PDILT: variants seen among roughly 807,000 people sequenced by gnomAD.
PDILT encodes protein disulfide isomerase like, testis expressed.
Under a neutral mutation model 53.7 loss-of-function variants are expected in PDILT, and 43 were observed. That is an observed-to-expected ratio of 0.80 (90% CI 0.63 to 1.03). The LOEUF (loss-of-function observed/expected upper bound fraction) is 1.03. Ranked by LOEUF, PDILT falls within the 50% of genes least tolerant of loss-of-function variation. The pLI is 0.00. For missense variants in PDILT, 727 were observed against 712.3 expected (o/e 1.02, Z -0.24); for synonymous variants, 282 against 274.2 (o/e 1.03, Z -0.28).
intron 10 of PDILT, among the ~76,000 whole-genome samples, chr16:20,361,525 A>G (rs1172777408): frequency 2.0e-5 from 3 of 152,140 alleles, no homozygotes; most frequent in Non-Finnish European, 4.4e-5. Flanking sequence ...CTTAATGCCC[A>G]CAGGTCACCT....
Position 20,369,673 on chromosome 16 carries a change from A to C in PDILT, c.935T>G (p.Val312Gly). Residue 312 changes from valine to glycine, a missense_variant, in exon 8 of 12, where the codon GTG (valine) becomes GGG (glycine). Val to Gly is a moderately radical substitution (Grantham distance 109). Coordinates refer to ENST00000302451, the MANE Select transcript of PDILT (RefSeq NM_174924.2). ...EFQNKILFIL[V>G]DADEPRNGRV... ...TCCATTTCTGGGTTCGTCTGCATCC[A>C]CAAGGATGAAAAGGATCTGCCAAAG... The C allele has an allele frequency of 6.2e-7, 1 of 1,614,202 alleles. No individual in the cohort carries two copies.
chr16:20,369,714 T>C, intron 7 of PDILT, 25 bp from the exon 8 acceptor site: 2 of 1,611,500 alleles, frequency 1.2e-6, no homozygotes, highest in Non-Finnish European at 1.7e-6. Flanking sequence ...AAAACCCTTG[T>C]CTCTCTGGAT....
Position 20,384,801 on chromosome 16 carries a change from C to T in PDILT, c.253G>A (p.Ala85Thr), listed in dbSNP as rs1966511342. The change falls in exon 3 of 12, where the codon GCT becomes ACT. Residue 85 changes from alanine (A) to threonine (T), a missense_variant. Physicochemically the swap from Ala to Thr is moderately conservative, Grantham distance 58. Transcript: ENST00000302451. ...TTGCCTTTGCCCATGATCTCCACAG[C>T]TTTGCCCAGCTCTTCCGCCAAGTTC... is the stretch of plus-strand genomic sequence containing the variant. ...SRNLAEELGK[A>T]VEIMGKGKNG... The T allele has an allele frequency of 9.9e-6, 16 of 1,614,100 alleles. No homozygotes were observed. The highest frequency in any genetic ancestry group is 1.3e-5 in the Non-Finnish European group (15 of 1,180,056).
chr16:20,388,700 G>A (rs987734769), intron 2 of PDILT: 2 of 152,196 alleles, frequency 1.3e-5, no homozygotes, highest in Non-Finnish European at 2.9e-5. Context: ...ACCACCTGAG[G>A]TCAGGAGTTT....
intron 1 of PDILT, among the ~76,000 whole-genome samples, chr16:20,404,035 T>A (rs1349962936): frequency 2.0e-5 from 3 of 152,258 alleles, no homozygotes; most frequent in African/African-American, 4.8e-5. Flanking sequence ...TATTATTATT[T>A]ATGAGTGTAC....
chr16:20,392,612 T>C (rs1434509276), intron 2 of PDILT, among the ~76,000 whole-genome samples: 1 of 152,222 alleles, frequency 6.6e-6, no homozygotes, highest in Non-Finnish European at 1.5e-5. Context: ...AGAACTCATT[T>C]TGAATTTAAT....
chr16:20,370,083 A>G (rs946645069), intron 7 of PDILT, among the ~76,000 whole-genome samples: 6 of 152,242 alleles, frequency 3.9e-5, no homozygotes, highest in African/African-American at 7.2e-5. Flanking sequence ...AATACATGAC[A>G]ATTCTTATTA....
chr16:20,374,936 CT>C lies in PDILT; in HGVS notation c.566del (p.Glu189GlyfsTer6). The C allele has an allele frequency of 6.2e-7, 1 of 1,611,616 alleles. No individual in the cohort carries two copies. Among genetic ancestry groups the C allele is most frequent in the South Asian group, 1.1e-5 (1 of 90,546 alleles). On this transcript the variant is annotated frameshift_variant, in exon 5 of 12. Coordinates refer to ENST00000302451, the MANE Select transcript of PDILT (RefSeq NM_174924.2). LOFTEE classifies it high-confidence loss of function. ...AGTCTTTGATCACATCATAGAACAA[CT>C]CTGCTACTTCTTCCTCTAAATCCTA... ...FFQDLEEEVA[E>X]LFYDVIKDFP...
chr16:20,383,103 T>C (rs1268391405), intron 3 of PDILT, among the ~76,000 whole-genome samples: 1 of 152,144 alleles, frequency 6.6e-6, no homozygotes, highest in East Asian at 1.9e-4. Context: ...CAGGCACTGG[T>C]TTCCCTGATG....
intron 2 of PDILT, among the ~76,000 whole-genome samples, chr16:20,395,104 T>C (rs1966646480): frequency 6.6e-6 from 1 of 152,202 alleles, no homozygotes; most frequent in Non-Finnish European, 1.5e-5. Context: ...CCATGATATG[T>C]AAAGAACTAA....
Position 20,376,173 on chromosome 16 carries a change from A to C in PDILT, c.438T>G (p.Val146=). 1.2e-6 allele frequency: 2 copies of C among 1,614,208 alleles called. No individual in the cohort carries two copies. Among genetic ancestry groups the C allele is most frequent in the Non-Finnish European group, 1.7e-6 (2 of 1,180,036 alleles). ...KGVVESAALV[V]WLRRQISQKA... Reference sequence around the variant, plus strand: ...TCTGGCTAATTTGTCGTCTCAACCAAACGACTAAGGCAGCAGATTCAACCA... The same window carrying C: ...TCTGGCTAATTTGTCGTCTCAACCACACGACTAAGGCAGCAGATTCAACCA... The change falls in exon 4 of 12, where the codon GTT becomes GTG. Residue 146 remains valine (V), a synonymous_variant. Transcript: ENST00000302451.
rs1318332120 is a variant in PDILT, at chr16:20,362,456, A to G, written c.1364T>C (p.Met455Thr). The G allele has an allele frequency of 1.1e-5, 17 of 1,614,246 alleles. No homozygotes were observed. Among genetic ancestry groups the G allele is most frequent in the Non-Finnish European group, 1.4e-5 (17 of 1,180,040 alleles). Residue 455 changes from methionine (M) to threonine (T), a missense_variant, in exon 10 of 12, where the codon ATG becomes ACG. Met to Thr is a moderately conservative substitution (Grantham distance 81). Transcript: ENST00000302451. Reference protein sequence around the residue: ...IDVTANDIQLMYLDRYPFFRL... With the variant: ...IDVTANDIQLTYLDRYPFFRL... ...GAAGAATGGGTACCGGTCCAGGTAC[A>G]TCAGCTGAATGTCATTTGCTGTGAC...
At chr16:20,366,052 T>C (rs1966187209) in intron 8 of PDILT, among the ~76,000 whole-genome samples, 1 of 141,846 alleles carries the variant, frequency 7.0e-6, no homozygotes, top group African/African-American at 2.7e-5. Flanking sequence ...ATTGCGCTAC[T>C]GCACACCAGG....
intron 9 of PDILT, among the ~76,000 whole-genome samples, chr16:20,364,113 G>A (rs1355732106): frequency 2.0e-5 from 3 of 152,228 alleles, no homozygotes; most frequent in Middle Eastern, 6.3e-3. Flanking sequence ...ACAGGAGGGG[G>A]CATAATGGCT....
In PDILT at chr16:20,397,956, C is replaced by T. The variant is rs573795915; in HGVS notation, c.202+1143G>A. On this transcript the variant is annotated intron_variant, in intron 2 of 11. Transcript: ENST00000302451. ...TGTTCACACCTGCGGTCTAATTCTC[C>T]AAATCCTACCATACAGAACATGGGA... Among the ~76,000 whole-genome samples, 242 of 152,242 alleles carry T rather than the reference C, an allele frequency of 1.6e-3. 1 individual carries two copies. The highest frequency in any genetic ancestry group is 5.4e-3 in the African/African-American group (225 of 41,544).
chr16:20,377,012 A>C (rs953159472), intron 3 of PDILT, among the ~76,000 whole-genome samples: 1 of 152,262 alleles, frequency 6.6e-6, no homozygotes, highest in African/African-American at 2.4e-5. Flanking sequence ...TGAGCTAAGC[A>C]TGGTGGCCTA....
chr16:20,384,681 A>G lies in PDILT; in HGVS notation c.373T>C (p.Phe125Leu), dbSNP rs1966507427. ...ITKAPELKLF[F>L]EGNRSEPISC... ...ATGGGCTCTGACCTGTTGCCCTCAA[A>G]AAACAGCTTCAACTCCGGGGCCTTG... The change falls in exon 3 of 12, where the codon TTT (phenylalanine) becomes CTT (leucine). Residue 125 changes from phenylalanine to leucine, a missense_variant. By Grantham distance (22) the Phe-to-Leu change is conservative. Transcript: ENST00000302451. The G allele has an allele frequency of 6.2e-7, 1 of 1,614,092 alleles. No homozygotes were observed.
intron 10 of PDILT, among the ~76,000 whole-genome samples, chr16:20,361,101 T>C (rs1966093759): frequency 6.6e-6 from 1 of 152,102 alleles, no homozygotes; most frequent in Non-Finnish European, 1.5e-5. Flanking sequence ...ATTATTACTA[T>C]CATAGCAACA....
rs143343359 is a variant in PDILT, at chr16:20,384,818, G to T, written c.236C>A (p.Ala79Glu). The change falls in exon 3 of 12, where the codon GCG becomes GAG. Residue 79 changes from alanine (A) to glutamate (E), a missense_variant. By Grantham distance (107) the Ala-to-Glu change is moderately radical. Coordinates refer to ENST00000302451, the MANE Select transcript of PDILT (RefSeq NM_174924.2). ...CTCCACAGCTTTGCCCAGCTCTTCCGCCAAGTTCCTGGATTGCTTTGAGGA... is the reference window on the plus strand; with the variant it reads ...CTCCACAGCTTTGCCCAGCTCTTCCTCCAAGTTCCTGGATTGCTTTGAGGA... ...NPSSKQSRNL[A>E]EELGKAVEIM... 5 of 1,614,112 alleles carry T rather than the reference G, an allele frequency of 3.1e-6. 1 individual carries two copies. The South Asian group carries it at 4.4e-5, about 14-fold the overall frequency.
Sources: gnomAD v4.1 joint callset for allele counts (sites outside exome capture counted in the v4.1 genomes callset) on GRCh38, gnomAD v4.1.1 for gene constraint, MANE v1.5 for transcripts, NCBI Gene and HGNC (gene_info 2026-07-23, HGNC 2026-07-21) for gene names.